Variants in SRGAP2 observed in about 807,000 individuals in gnomAD.
SRGAP2 encodes SLIT-ROBO Rho GTPase activating protein 2, also known as SLIT-ROBO Rho GTPase-activating protein 2.
A neutral mutation model predicts 57.2 loss-of-function variants in SRGAP2; 15 were observed. That is an observed-to-expected ratio of 0.26 (90% CI 0.18 to 0.40). The LOEUF (loss-of-function observed/expected upper bound fraction) is 0.40. Ranked by LOEUF, SRGAP2 falls within the 10% of genes least tolerant of loss-of-function variation. The pLI is 1.00. For synonymous variants in SRGAP2, 249 were observed against 248.0 expected (o/e 1.00, Z -0.04); for missense variants, 520 against 669.6 (o/e 0.78, Z 2.47).
At chr1:206,365,492 G>A (rs2103005428) in intron 4 of SRGAP2, among the ~76,000 whole-genome samples, 1 of 151,698 alleles carries the variant, frequency 6.6e-6, no homozygotes, top group South Asian at 2.1e-4. Context: ...GTGGTTGACA[G>A]AAGAATTTCA....
chr1:206,374,019 CTT>C (rs56021600), intron 4 of SRGAP2, among the ~76,000 whole-genome samples: 1,450 of 76,946 alleles, frequency 0.019, 20 homozygotes, highest in African/African-American at 0.076. Flanking sequence ...GATACACATT[CTT>C]TTTTTTTTTT....
chr1:206,319,825 G>T (rs1362988047), intron 3 of SRGAP2, among the ~76,000 whole-genome samples: 1 of 142,428 alleles, frequency 7.0e-6, no homozygotes, highest in Non-Finnish European at 1.5e-5. Flanking sequence ...TTTGTTTTTT[G>T]CGATGGAGTC....
At chr1:206,208,676 C>T (rs1319203996) in intron 2 of SRGAP2, among the ~76,000 whole-genome samples, 3 of 152,170 alleles carry the variant, frequency 2.0e-5, no homozygotes, top group Non-Finnish European at 4.4e-5. Context: ...GCTCTGCCCC[C>T]GACTAGCTAG....
chr1:206,430,958 G>A (rs1661233848), intron 14 of SRGAP2, among the ~76,000 whole-genome samples: 1 of 152,208 alleles, frequency 6.6e-6, no homozygotes, highest in Non-Finnish European at 1.5e-5. Flanking sequence ...TCTAGGAACT[G>A]AGCATCAGAA....
chr1:206,267,383 C>T (rs1212349603), intron 2 of SRGAP2, among the ~76,000 whole-genome samples: 21 of 151,188 alleles, frequency 1.4e-4, no homozygotes, highest in Admixed American at 1.3e-3. Context: ...ACTTTAGGAT[C>T]GAGTATGAAC....
chr1:206,249,958 GAATAAATCAGCCT>G (rs2102581818), intron 2 of SRGAP2, among the ~76,000 whole-genome samples: 1 of 147,826 alleles, frequency 6.8e-6, no homozygotes, highest in South Asian at 2.3e-4. Flanking sequence ...TTGGTTGAAT[GAATAAATCAGCCT>G]ATTATTTAAT....
In SRGAP2 at chr1:206,433,534, G is replaced by A. The variant is rs570235015; in HGVS notation, c.1555+3312G>A. Among the ~76,000 whole-genome samples, 12 of 151,966 alleles carry A rather than the reference G, an allele frequency of 7.9e-5. No individual in the cohort carries two copies. The East Asian group carries it at 9.7e-4, about 12-fold the overall frequency. On this transcript the variant is annotated intron_variant, in intron 14 of 22. Coordinates refer to ENST00000573034, the MANE Select transcript of SRGAP2 (RefSeq NM_015326.5). ...TGGGCACCTGTAATCCCATCTACTC[G>A]GGAGGCTGAGGCACAAGAATCACTC...
chr1:206,429,288 T>C (rs146072294), intron 13 of SRGAP2, among the ~76,000 whole-genome samples: 83 of 152,334 alleles, frequency 5.4e-4, no homozygotes, highest in African/African-American at 1.9e-3. Context: ...TTCTTTTCTA[T>C]CTTACCTTTA....
chr1:206,392,644 C>T (rs1553350978), intron 5 of SRGAP2, 45 bp from the exon 6 acceptor site: 2 of 719,954 alleles, frequency 2.8e-6, no homozygotes, highest in African/African-American at 1.8e-5. Context: ...AGAAATGACC[C>T]CCTTGGCTTG....
chr1:206,463,879 T>TC lies in SRGAP2; in HGVS notation c.*2461dup, dbSNP rs1553381941. 2.0e-5 allele frequency: 3 copies of TC among 152,774 alleles called. No individual in the cohort carries two copies. In the South Asian group the frequency reaches 6.2e-4, roughly 32 times the overall value. 9.5% of individuals were successfully genotyped at this position (152,774 alleles called of 1,614,324 possible). ...CCGAAAAGCCAAAAGGAGCTGGCCA[T>TC]CCAGGGCCTAGGGAGACCAGCCTTC... On this transcript the variant is annotated 3_prime_UTR_variant, in exon 23 of 23. Coordinates refer to ENST00000573034, the MANE Select transcript of SRGAP2 (RefSeq NM_015326.5).
intron 2 of SRGAP2, among the ~76,000 whole-genome samples, chr1:206,253,923 T>C (rs1472285060): frequency 1.0e-4 from 15 of 145,354 alleles, no homozygotes; most frequent in African/African-American, 3.1e-4. Flanking sequence ...GAGCTAATTA[T>C]GACTGCAAAG....
At chr1:206,292,419 T>C (rs1326581883) in intron 2 of SRGAP2, among the ~76,000 whole-genome samples, 1 of 151,950 alleles carries the variant, frequency 6.6e-6, no homozygotes. Context: ...CAACAACATA[T>C]GAAGGCCCAG....
chr1:206,297,383 G>A (rs1271749125), intron 2 of SRGAP2, among the ~76,000 whole-genome samples: 2 of 47,304 alleles, frequency 4.2e-5, no homozygotes, highest in Non-Finnish European at 6.7e-5. Flanking sequence ...AAGAAGTCTT[G>A]GTAAGAGATA....
chr1:206,221,946 CTTT>C (rs782815485), intron 2 of SRGAP2, among the ~76,000 whole-genome samples: 4 of 35,262 alleles, frequency 1.1e-4, no homozygotes, highest in African/African-American at 7.7e-4. Context: ...GATATCCGGC[CTTT>C]TTTTTTTTTT....
chr1:206,338,907 G>A (rs1553334388), intron 3 of SRGAP2, among the ~76,000 whole-genome samples: 1 of 150,070 alleles, frequency 6.7e-6, no homozygotes, highest in Admixed American at 6.6e-5. Context: ...CAAATTTATA[G>A]AGTACTTATT....
In SRGAP2 at chr1:206,461,188, C is replaced by T. The variant is rs1553380528; in HGVS notation, c.2984C>T (p.Pro995Leu). 2.6e-6 allele frequency: 2 copies of T among 780,664 alleles called. No individual in the cohort carries two copies. The highest frequency in any genetic ancestry group is 2.4e-6 in the Non-Finnish European group (1 of 417,884). The allele number at this position is 780,664 out of a possible 1,614,324, so 48.4% of individuals were successfully genotyped here. Residue 995 changes from proline (P) to leucine (L), a missense_variant, in exon 23 of 23, where the codon CCT becomes CTT. Pro to Leu is a moderately conservative substitution (Grantham distance 98, BLOSUM62 -3). Transcript: ENST00000573034. ...GCCCCCACGTCAGAGCCCTCCAGCC[C>T]TCTGCACACCCAGCTCCTCAAGGAC... Reference protein sequence around the residue: ...VVAPTSEPSSPLHTQLLKDPE... With the variant: ...VVAPTSEPSSLLHTQLLKDPE...
chr1:206,461,620 C>T lies in SRGAP2; in HGVS notation c.*200C>T. ...CTCCCTTCCCACTGCCCTCTGCTTC[C>T]CCCAGTCGTCGTAATTCAGCCAGCT... On this transcript the variant is annotated 3_prime_UTR_variant, in exon 23 of 23. Coordinates refer to ENST00000573034, the MANE Select transcript of SRGAP2 (RefSeq NM_015326.5). The T allele has an allele frequency of 1.8e-6, 1 of 567,336 alleles. No individual in the cohort carries two copies. Among genetic ancestry groups the T allele is most frequent in the Non-Finnish European group, 3.1e-6 (1 of 320,612 alleles). The allele number at this position is 567,336 out of a possible 1,614,324, so 35.1% of individuals were successfully genotyped here.
At chr1:206,313,570 G>A (rs1553324976) in intron 3 of SRGAP2, among the ~76,000 whole-genome samples, 2 of 152,130 alleles carry the variant, frequency 1.3e-5, no homozygotes, top group East Asian at 1.9e-4. Flanking sequence ...AGAATAAGTG[G>A]ATGTGGAAGA....
At chr1:206,391,142 A>C (rs1553350303) in intron 5 of SRGAP2, among the ~76,000 whole-genome samples, 2 of 149,892 alleles carry the variant, frequency 1.3e-5, no homozygotes, top group Non-Finnish European at 3.0e-5. Context: ...GCAATCCCCA[A>C]GTTGTGACAA....
Sources: allele counts gnomAD v4.1 joint callset (sites outside exome capture counted in the v4.1 genomes callset), GRCh38; gene constraint gnomAD v4.1.1; transcripts MANE v1.5; gene names NCBI Gene and HGNC (gene_info 2026-07-23, HGNC 2026-07-21).